The following SAMD4A variants were observed in gnomAD, a reference collection of about 807,000 sequenced individuals.
The protein encoded by SAMD4A is protein Smaug homolog 1.
A neutral mutation model predicts 81.3 loss-of-function variants in SAMD4A; 33 were observed. The ratio of observed to expected loss-of-function variants is 0.41; its 90% CI spans 0.31 to 0.54. SAMD4A has a LOEUF of 0.54. Ranked by LOEUF, SAMD4A falls within the 20% of genes least tolerant of loss-of-function variation. The pLI is 0.37. For synonymous variants in SAMD4A, 389 were observed against 382.1 expected (o/e 1.02, Z -0.21); for missense variants, 854 against 951.1 (o/e 0.90, Z 1.34).
chr14:54,648,363 G>A (rs954683846), intron 2 of SAMD4A, among the ~76,000 whole-genome samples: 17 of 152,150 alleles, frequency 1.1e-4, no homozygotes, highest in African/African-American at 4.1e-4. Context: ...CTTATTGTGG[G>A]TTGAAGTACA....
chr14:54,654,006 G>A (rs2035464856), intron 2 of SAMD4A, among the ~76,000 whole-genome samples: 1 of 152,218 alleles, frequency 6.6e-6, no homozygotes, highest in Non-Finnish European at 1.5e-5. Flanking sequence ...AGTCTTCAGT[G>A]TGTCACTTTA....
intron 2 of SAMD4A, among the ~76,000 whole-genome samples, chr14:54,675,519 G>A (rs2140534909): frequency 6.6e-6 from 1 of 152,300 alleles, no homozygotes; most frequent in Middle Eastern, 3.4e-3. Flanking sequence ...CTAAGCAATA[G>A]TGTAAGGACA....
rs79035471 is a variant in SAMD4A at position 54,580,658 on chromosome 14, C to T, written c.196+12546C>T. ...GACCAACCAGGAGTCTCCTTGTCTA[C>T]GACAGCTCTTCCTGAGGGTCTTCCC... On this transcript the variant is annotated intron_variant, in intron 2 of 12. Transcript: ENST00000554335. Among the ~76,000 whole-genome samples the T allele has an allele frequency of 9.3e-3, 1,411 of 152,246 alleles. 22 individuals are homozygous for T. The highest frequency in any genetic ancestry group is 0.032 in the African/African-American group (1,311 of 41,524).
chr14:54,700,700 C>T (rs2036692495), intron 2 of SAMD4A, among the ~76,000 whole-genome samples: 1 of 152,176 alleles, frequency 6.6e-6, no homozygotes, highest in Non-Finnish European at 1.5e-5. Context: ...AGCTTTCTTT[C>T]CTCTGGCCCA....
chr14:54,566,144 C>A (rs1222047684), upstream of SAMD4A, among the ~76,000 whole-genome samples: 1 of 151,926 alleles, frequency 6.6e-6, no homozygotes, highest in Non-Finnish European at 1.5e-5. Context: ...GCAGCAGCAG[C>A]GGCGGCTGCA....
At position 54,680,685 on chromosome 14, in the gene SAMD4A, G is replaced by C. The variant is rs143505850; in HGVS notation, c.197-21377G>C. Among the ~76,000 whole-genome samples, 304 of 152,338 alleles carry C rather than the reference G, an allele frequency of 2.0e-3. 1 individual carries two copies. The highest frequency in any genetic ancestry group is 6.8e-3 in the African/African-American group (282 of 41,574). On this transcript the variant is annotated intron_variant, in intron 2 of 12. Transcript: ENST00000554335. ...GTTTTAAGAAAGCTTAAAGAAACCA[G>C]CATCACTGGTAGTTAAGCGGTTTAT...
intron 2 of SAMD4A, among the ~76,000 whole-genome samples, chr14:54,581,616 C>T (rs759016970): frequency 6.6e-6 from 1 of 152,192 alleles, no homozygotes; most frequent in Non-Finnish European, 1.5e-5. Flanking sequence ...TTGGAGAAAG[C>T]CACATAAAGT....
intron 2 of SAMD4A, among the ~76,000 whole-genome samples, chr14:54,638,903 A>C (rs867243877): frequency 7.9e-5 from 12 of 152,338 alleles, no homozygotes; most frequent in Middle Eastern, 6.8e-3. Flanking sequence ...GGTGTTGTTG[A>C]AGAGAGTTTA....
chr14:54,775,318 A>G (rs942369407), intron 10 of SAMD4A, among the ~76,000 whole-genome samples, 183 bp downstream of exon 10: 9 of 152,212 alleles, frequency 5.9e-5, no homozygotes, highest in African/African-American at 1.9e-4. Context: ...GAGCAACCCC[A>G]TAGCTGTGTT....
intron 2 of SAMD4A, among the ~76,000 whole-genome samples, chr14:54,625,493 C>A (rs992593312): frequency 3.9e-5 from 6 of 152,214 alleles, no homozygotes; most frequent in Admixed American, 2.6e-4. Flanking sequence ...CAGAACCTGG[C>A]AAAGCCATTT....
At chr14:54,615,892 C>T (rs988065497) in intron 2 of SAMD4A, among the ~76,000 whole-genome samples, 13 of 152,044 alleles carry the variant, frequency 8.6e-5, no homozygotes, top group Admixed American at 3.3e-4. Context: ...TCCCCTCCCC[C>T]CCGATAGAAG....
intron 2 of SAMD4A, among the ~76,000 whole-genome samples, chr14:54,607,556 T>C (rs546397760): frequency 6.6e-5 from 10 of 151,406 alleles, no homozygotes; most frequent in East Asian, 2.0e-4. Context: ...CCTGGGTTCA[T>C]GCCATTCTCC....
chr14:54,717,579 C>T (rs183666712), intron 3 of SAMD4A, among the ~76,000 whole-genome samples: 1 of 152,200 alleles, frequency 6.6e-6, no homozygotes, highest in East Asian at 1.9e-4. Flanking sequence ...AATGACATCT[C>T]TGGGTAAAAA....
At chr14:54,738,640 G>A (rs1049946454) in intron 4 of SAMD4A, among the ~76,000 whole-genome samples, 1 of 152,194 alleles carries the variant, frequency 6.6e-6, no homozygotes, top group Non-Finnish European at 1.5e-5. Flanking sequence ...CAATTTTGGA[G>A]CACTAGCAAA....
rs143613070 is a variant in SAMD4A, at chr14:54,576,340, A to G, written c.196+8228A>G. On this transcript the variant is annotated intron_variant, in intron 2 of 12. Transcript: ENST00000554335. Reference sequence around the variant, plus strand: ...AATGTCAATGCTGAACCAGTTTTGAAATTTTGAAGAGTGGTAAATGAATGG... The same window carrying G: ...AATGTCAATGCTGAACCAGTTTTGAGATTTTGAAGAGTGGTAAATGAATGG... Among the ~76,000 whole-genome samples, 134 of 152,244 alleles carry G rather than the reference A, an allele frequency of 8.8e-4. 3 individuals carry two copies. In the South Asian group the frequency reaches 0.022, roughly 24 times the overall value.
At chr14:54,663,146 C>T (rs566764692) in intron 2 of SAMD4A, among the ~76,000 whole-genome samples, 47 of 152,304 alleles carry the variant, frequency 3.1e-4, no homozygotes, top group Middle Eastern at 3.4e-3. Context: ...TGGAAGTTGA[C>T]AGGATGTAAA....
At chr14:54,585,756 A>C (rs1215997760) in intron 2 of SAMD4A, among the ~76,000 whole-genome samples, 1 of 152,158 alleles carries the variant, frequency 6.6e-6, no homozygotes, top group Non-Finnish European at 1.5e-5. Context: ...CCAGGTTGCT[A>C]CAAATGCCAT....
intron 2 of SAMD4A, among the ~76,000 whole-genome samples, chr14:54,682,768 A>T (rs12435731): frequency 6.6e-6 from 1 of 152,118 alleles, no homozygotes; most frequent in Non-Finnish European, 1.5e-5. Flanking sequence ...AAGGAAATAG[A>T]GGCCAAATTC....
At chr14:54,699,773 C>T (rs1343000201) in intron 2 of SAMD4A, among the ~76,000 whole-genome samples, 3 of 152,130 alleles carry the variant, frequency 2.0e-5, no homozygotes, top group African/African-American at 7.2e-5. Flanking sequence ...TCCTCAAGAT[C>T]GTCTCACTCT....
Sources: gnomAD v4.1 joint callset for allele counts (sites outside exome capture counted in the v4.1 genomes callset) on GRCh38, gnomAD v4.1.1 for gene constraint, MANE v1.5 for transcripts, NCBI Gene and HGNC (gene_info 2026-07-23, HGNC 2026-07-21) for gene names.